PRKG1: variants seen among roughly 807,000 people sequenced by gnomAD.
The protein encoded by PRKG1 is protein kinase cGMP-dependent 1.
In PRKG1, 35 loss-of-function variants were observed where a neutral mutation model predicts 88.1. The observed-to-expected ratio is 0.40, with a 90% CI of 0.30 to 0.53. The LOEUF (loss-of-function observed/expected upper bound fraction) is 0.53, where lower values mean the gene tolerates loss of function less well. Among genes scored for constraint, PRKG1 ranks in the 20% least tolerant of loss-of-function variants. PRKG1 has a pLI of 0.59. For synonymous variants in PRKG1, 303 were observed against 292.5 expected (o/e 1.04, Z -0.37); for missense variants, 540 against 839.8 (o/e 0.64, Z 4.41).
chr10:51,769,085 T>C (rs1231435871), intron 3 of PRKG1, among the ~76,000 whole-genome samples: 1 of 152,174 alleles, frequency 6.6e-6, no homozygotes, highest in Admixed American at 6.5e-5. Flanking sequence ...CAATATTCAC[T>C]AGAACAGTGC....
chr10:51,358,101 C>T (rs764826264), intron 2 of PRKG1, among the ~76,000 whole-genome samples: 2 of 151,868 alleles, frequency 1.3e-5, no homozygotes, highest in African/African-American at 2.4e-5. Context: ...TTGTGAAATG[C>T]TCAGCTGAGG....
chr10:51,940,168 C>T (rs764301546), intron 5 of PRKG1, among the ~76,000 whole-genome samples: 1 of 151,692 alleles, frequency 6.6e-6, no homozygotes, highest in Non-Finnish European at 1.5e-5. Flanking sequence ...ACCAAATATC[C>T]CCTGCTTTTT....
intron 2 of PRKG1, among the ~76,000 whole-genome samples, chr10:51,456,739 A>G (rs970583585): frequency 6.6e-6 from 1 of 152,168 alleles, no homozygotes; most frequent in Non-Finnish European, 1.5e-5. Context: ...CAAACCAGCA[A>G]GTACAAAACC....
chr10:51,944,653 T>C lies in PRKG1; in HGVS notation c.762+37083T>C, dbSNP rs1234842168. On this transcript the variant is annotated intron_variant, in intron 5 of 17. Transcript: ENST00000373980. ...GTGTCCCAGAGATTCTGGTATGTTG[T>C]GTCTTTGTTCTCATTGGTTTCAAAG... Among the ~76,000 whole-genome samples, 10 of 152,212 alleles carry C rather than the reference T, an allele frequency of 6.6e-5. No individual in the cohort carries two copies. In the South Asian group the frequency reaches 2.1e-3, roughly 32 times the overall value.
At chr10:51,376,215 A>G (rs1304749380) in intron 2 of PRKG1, among the ~76,000 whole-genome samples, 1 of 152,178 alleles carries the variant, frequency 6.6e-6, no homozygotes. Flanking sequence ...TCTTTTCTAA[A>G]CTATTCATAA....
intron 5 of PRKG1, among the ~76,000 whole-genome samples, chr10:52,021,059 A>C (rs1845171399): frequency 6.6e-6 from 1 of 152,114 alleles, no homozygotes. Flanking sequence ...ATGCCTGTCT[A>C]ACTACCTGTA....
intron 9 of PRKG1, among the ~76,000 whole-genome samples, chr10:52,239,162 G>T (rs1261439801): frequency 9.8e-6 from 1 of 102,434 alleles, no homozygotes; most frequent in Non-Finnish European, 1.9e-5. Flanking sequence ...CACACTCTGG[G>T]GACTGTGGTG....
intron 3 of PRKG1, among the ~76,000 whole-genome samples, chr10:51,658,148 C>T (rs1450513969): frequency 1.3e-5 from 2 of 152,082 alleles, no homozygotes; most frequent in East Asian, 3.9e-4. Context: ...CATTGGCAAG[C>T]AGTACAGTGA....
chr10:52,025,613 G>C (rs1206939921), intron 5 of PRKG1, among the ~76,000 whole-genome samples: 1 of 151,664 alleles, frequency 6.6e-6, no homozygotes, highest in Admixed American at 6.6e-5. Context: ...TCTTTGTCAG[G>C]TTTGTCAAAG....
At chr10:51,436,713 G>T (rs188641835) in intron 2 of PRKG1, among the ~76,000 whole-genome samples, 3 of 151,958 alleles carry the variant, frequency 2.0e-5, no homozygotes, top group Admixed American at 2.0e-4. Context: ...GTTTAATTTG[G>T]CTTGCTGGAA....
intron 7 of PRKG1, among the ~76,000 whole-genome samples, chr10:52,065,272 G>A (rs1457171817): frequency 6.6e-6 from 1 of 152,078 alleles, no homozygotes; most frequent in Non-Finnish European, 1.5e-5. Flanking sequence ...ACTTGAATAA[G>A]CAACAACCAA....
chr10:51,901,813 A>G (rs537524349), intron 4 of PRKG1, among the ~76,000 whole-genome samples: 4 of 152,306 alleles, frequency 2.6e-5, no homozygotes, highest in Non-Finnish European at 4.4e-5. Context: ...TGAGAGAAAG[A>G]TAGCTTTCAT....
At chr10:51,781,917 C>T (rs1043307482) in intron 3 of PRKG1, among the ~76,000 whole-genome samples, 1 of 151,726 alleles carries the variant, frequency 6.6e-6, no homozygotes, top group Non-Finnish European at 1.5e-5. Context: ...CTCATCATCA[C>T]GTTCCCCCTC....
chr10:51,367,219 C>T (rs1281377306), intron 2 of PRKG1, among the ~76,000 whole-genome samples: 10 of 151,836 alleles, frequency 6.6e-5, no homozygotes, highest in Non-Finnish European at 1.5e-4. Flanking sequence ...TTATGCTGCA[C>T]GTATCCAATT....
intron 1 of PRKG1, among the ~76,000 whole-genome samples, chr10:51,077,209 A>C (rs1843977280): frequency 6.6e-6 from 1 of 152,214 alleles, no homozygotes; most frequent in East Asian, 1.9e-4. Context: ...TTTGCCTTTC[A>C]ATGTATTTCA....
chr10:52,247,724 A>G (rs1841061920), intron 9 of PRKG1, among the ~76,000 whole-genome samples: 1 of 152,186 alleles, frequency 6.6e-6, no homozygotes, highest in Non-Finnish European at 1.5e-5. Flanking sequence ...AACAACTATT[A>G]ATTCAAAAAG....
intron 4 of PRKG1, among the ~76,000 whole-genome samples, chr10:51,884,264 G>T (rs1382276586): frequency 6.7e-6 from 1 of 149,962 alleles, no homozygotes; most frequent in Non-Finnish European, 1.5e-5. Flanking sequence ...GGCTAACACG[G>T]TGAAACCCCG....
Position 52,261,289 on chromosome 10 carries a change from T to C in PRKG1, c.1173+9623T>C, listed in dbSNP as rs551852137. Reference sequence around the variant, plus strand: ...TACAAAGCAAATAAGATTACTGATATTTTGATGAAGGGTTAAGGTAAACGA... The same window carrying C: ...TACAAAGCAAATAAGATTACTGATACTTTGATGAAGGGTTAAGGTAAACGA... On this transcript the variant is annotated intron_variant, in intron 10 of 17. Coordinates refer to ENST00000373980, the MANE Select transcript of PRKG1 (RefSeq NM_006258.4). Among the ~76,000 whole-genome samples, 54 of 152,170 alleles carry C rather than the reference T, an allele frequency of 3.5e-4. No individual in the cohort carries two copies. The South Asian group carries it at 5.6e-3, about 16-fold the overall frequency.
At chr10:51,853,804 G>A (rs1021740242) in intron 4 of PRKG1, among the ~76,000 whole-genome samples, 1 of 152,134 alleles carries the variant, frequency 6.6e-6, no homozygotes, top group Non-Finnish European at 1.5e-5. Context: ...GAGAGAAGCA[G>A]CCTCTACTGT....
Sources: gnomAD v4.1 joint callset for allele counts (sites outside exome capture counted in the v4.1 genomes callset) on GRCh38, gnomAD v4.1.1 for gene constraint, MANE v1.5 for transcripts, NCBI Gene and HGNC (gene_info 2026-07-23, HGNC 2026-07-21) for gene names.